The following TRHDE variants were observed in gnomAD, a reference collection of about 807,000 sequenced individuals.
TRHDE encodes the protein thyrotropin releasing hormone degrading enzyme.
A neutral mutation model predicts 125.7 loss-of-function variants in TRHDE; 72 were observed. The ratio of observed to expected loss-of-function variants is 0.57; its 90% CI spans 0.47 to 0.70. TRHDE has a LOEUF of 0.70. Ranked by LOEUF, TRHDE falls within the 30% of genes least tolerant of loss-of-function variation. TRHDE has a pLI of 0.00. For synonymous variants in TRHDE, 509 were observed against 509.1 expected, an observed-to-expected ratio of 1.00 and a Z score of 0.00; for missense variants, 1,110 against 1,327.1, an observed-to-expected ratio of 0.84 and a Z score of 2.54.
At chr12:72,345,630 G>A (rs1224389153) in intron 2 of TRHDE, among the ~76,000 whole-genome samples, 1 of 152,044 alleles carries the variant, frequency 6.6e-6, no homozygotes, top group Non-Finnish European at 1.5e-5. Flanking sequence ...CAGTAGGAGT[G>A]CCTCCAGAAC....
At chr12:72,602,146 A>C (rs1354798530) in intron 12 of TRHDE, among the ~76,000 whole-genome samples, 1 of 152,122 alleles carries the variant, frequency 6.6e-6, no homozygotes, top group Non-Finnish European at 1.5e-5. Context: ...AGTTGAAGGG[A>C]GAGAAATACA....
At chr12:72,100,510 G>C (rs1875041252) in intron 1 of TRHDE, among the ~76,000 whole-genome samples, 1 of 152,218 alleles carries the variant, frequency 6.6e-6, no homozygotes, top group Non-Finnish European at 1.5e-5. Context: ...TGTAGCATGA[G>C]AGAAGCTCCC....
At chr12:72,249,711 T>G (rs1170116308) in intron 2 of TRHDE, among the ~76,000 whole-genome samples, 2 of 152,212 alleles carry the variant, frequency 1.3e-5, no homozygotes, top group Non-Finnish European at 2.9e-5. Flanking sequence ...TGTAAAATAC[T>G]TTATAAATGC....
At chr12:72,248,106 T>C (rs1422361960) in intron 2 of TRHDE, among the ~76,000 whole-genome samples, 1 of 152,072 alleles carries the variant, frequency 6.6e-6, no homozygotes, top group African/African-American at 2.4e-5. Context: ...GCTAATGGAA[T>C]AGAATATTTA....
chr12:72,222,917 TA>T (rs1878030067), intron 2 of TRHDE, among the ~76,000 whole-genome samples: 1 of 152,092 alleles, frequency 6.6e-6, no homozygotes, highest in Admixed American at 6.6e-5. Flanking sequence ...TCTGACCCCT[TA>T]AAAAACTTTT....
intron 1 of TRHDE, among the ~76,000 whole-genome samples, chr12:72,099,785 T>C (rs1261061106): frequency 6.6e-6 from 1 of 152,198 alleles, no homozygotes; most frequent in Non-Finnish European, 1.5e-5. Flanking sequence ...AATCTAGAGT[T>C]CAGGCTCAAG....
At chr12:72,547,176 T>G (rs1208870476) in intron 7 of TRHDE, among the ~76,000 whole-genome samples, 1 of 151,574 alleles carries the variant, frequency 6.6e-6, no homozygotes, top group Non-Finnish European at 1.5e-5. Context: ...CATATGGAGA[T>G]TTAAAAAGTA....
intron 2 of TRHDE, among the ~76,000 whole-genome samples, chr12:72,322,377 T>A (rs1869135834): frequency 6.6e-6 from 1 of 152,140 alleles, no homozygotes; most frequent in Non-Finnish European, 1.5e-5. Flanking sequence ...TATCTAGTGT[T>A]TCTCTGTGCA....
At chr12:72,294,631 C>T (rs376464276) in intron 2 of TRHDE, among the ~76,000 whole-genome samples, 14 of 151,968 alleles carry the variant, frequency 9.2e-5, no homozygotes, top group African/African-American at 3.1e-4. Context: ...ATGGTTGGGC[C>T]GGGAAAAGGC....
At chr12:72,195,892 A>T (rs1877431638) in intron 2 of TRHDE, among the ~76,000 whole-genome samples, 3 of 152,058 alleles carry the variant, frequency 2.0e-5, no homozygotes. Context: ...TCTTGAGTTA[A>T]TTTTTGTATA....
intron 2 of TRHDE, among the ~76,000 whole-genome samples, chr12:72,175,959 A>G (rs1002811760): frequency 2.0e-5 from 3 of 152,184 alleles, no homozygotes; most frequent in Non-Finnish European, 4.4e-5. Context: ...GTTTATGCCT[A>G]TGAAAGGAAA....
chr12:72,479,979 A>G (rs1877089451), intron 5 of TRHDE, among the ~76,000 whole-genome samples: 1 of 151,744 alleles, frequency 6.6e-6, no homozygotes, highest in African/African-American at 2.4e-5. Context: ...ATGTCCCTAC[A>G]AAGGACATGA....
intron 2 of TRHDE, among the ~76,000 whole-genome samples, chr12:72,238,359 A>G (rs1288591427): frequency 2.6e-5 from 2 of 77,276 alleles, no homozygotes; most frequent in African/African-American, 8.8e-5. Context: ...ATATATATAT[A>G]TATACACATA....
intron 7 of TRHDE, among the ~76,000 whole-genome samples, chr12:72,544,322 A>G (rs1869303350): frequency 6.6e-6 from 1 of 151,440 alleles, no homozygotes; most frequent in Non-Finnish European, 1.5e-5. Flanking sequence ...CAGAGTTGAT[A>G]TTAATGTGCT....
At chr12:72,215,806 G>A (rs1008701193) in intron 2 of TRHDE, among the ~76,000 whole-genome samples, 1 of 152,110 alleles carries the variant, frequency 6.6e-6, no homozygotes, top group Non-Finnish European at 1.5e-5. Flanking sequence ...GGTGGTTGGC[G>A]CTCAGAAATG....
At chr12:72,207,876 T>C (rs1877700964) in intron 2 of TRHDE, among the ~76,000 whole-genome samples, 1 of 152,212 alleles carries the variant, frequency 6.6e-6, no homozygotes, top group Non-Finnish European at 1.5e-5. Flanking sequence ...TTTCTAGGCA[T>C]CTCTGGGAGG....
chr12:72,221,392 A>G (rs1877997330), intron 2 of TRHDE, among the ~76,000 whole-genome samples: 1 of 152,092 alleles, frequency 6.6e-6, no homozygotes, highest in Non-Finnish European at 1.5e-5. Flanking sequence ...ACATCTTACT[A>G]TTGTAAAACA....
chr12:72,494,286 A>G (rs547408613), intron 5 of TRHDE, among the ~76,000 whole-genome samples: 1 of 152,104 alleles, frequency 6.6e-6, no homozygotes, highest in South Asian at 2.1e-4. Context: ...CTATCCTTCT[A>G]GAAAATTGAG....
At chr12:72,604,122 C>CAA (rs1027994815) in intron 12 of TRHDE, among the ~76,000 whole-genome samples, 4 of 151,956 alleles carry the variant, frequency 2.6e-5, no homozygotes, top group African/African-American at 9.7e-5. Context: ...AGTAATTTAA[C>CAA]AAAAGTCCAG....
Sources: allele counts gnomAD v4.1 joint callset (sites outside exome capture counted in the v4.1 genomes callset), GRCh38; gene constraint gnomAD v4.1.1; transcripts MANE v1.5; gene names NCBI Gene and HGNC (gene_info 2026-07-23, HGNC 2026-07-21).